HERC2: variants seen among roughly 807,000 people sequenced by gnomAD.
HERC2 encodes HECT and RLD domain containing E3 ubiquitin protein ligase 2.
In HERC2, 102 loss-of-function variants were observed where a neutral mutation model predicts 537.7. That is an observed-to-expected ratio of 0.19 (90% CI 0.16 to 0.22). HERC2 has a LOEUF of 0.22. HERC2 is among the 10% of genes least tolerant of loss of function. HERC2 has a pLI of 1.00. For synonymous variants in HERC2, 2,224 were observed against 2,466.2 expected, an observed-to-expected ratio of 0.90 and a Z score of 2.91; for missense variants, 4,236 against 6,198.2, an observed-to-expected ratio of 0.68 and a Z score of 10.63.
At chr15:28,140,406 G>GT (rs1397135107) in intron 78 of HERC2, among the ~76,000 whole-genome samples, 1 of 152,130 alleles carries the variant, frequency 6.6e-6, no homozygotes, top group Non-Finnish European at 1.5e-5. Flanking sequence ...AGAGACTACG[G>GT]CACTCTATAA....
chr15:28,317,878 A>T (rs1269229869), intron 2 of HERC2, among the ~76,000 whole-genome samples: 3 of 152,224 alleles, frequency 2.0e-5, no homozygotes, highest in African/African-American at 7.2e-5. Context: ...GTTTCTTTAC[A>T]ACTTCCTGAG....
At chr15:28,271,723 G>A (rs1445455138) in intron 9 of HERC2, among the ~76,000 whole-genome samples, 6 of 152,130 alleles carry the variant, frequency 3.9e-5, no homozygotes, top group Non-Finnish European at 8.8e-5. Context: ...CACGATATTG[G>A]AATGCCTAAG....
At chr15:28,215,559 C>G in intron 39 of HERC2, 62 bp downstream of exon 39, 1 of 1,434,394 alleles carries the variant, frequency 7.0e-7, no homozygotes, top group Non-Finnish European at 9.6e-7. Flanking sequence ...ACTCTGAAGG[C>G]AGGGAACTTC....
chr15:28,273,841 C>T (rs2075801940), intron 7 of HERC2, among the ~76,000 whole-genome samples: 1 of 152,182 alleles, frequency 6.6e-6, no homozygotes, highest in Non-Finnish European at 1.5e-5. Flanking sequence ...TTCTTACACA[C>T]AAATGATTCC....
intron 2 of HERC2, among the ~76,000 whole-genome samples, chr15:28,310,311 G>T (rs1366792745): frequency 2.0e-5 from 3 of 152,056 alleles, no homozygotes; most frequent in Non-Finnish European, 2.9e-5. Flanking sequence ...GCCAGAGGTG[G>T]TGGCGCGCCT....
chr15:28,180,367 A>C (rs1436010478), intron 57 of HERC2, among the ~76,000 whole-genome samples: 1 of 152,156 alleles, frequency 6.6e-6, no homozygotes, highest in Non-Finnish European at 1.5e-5. Context: ...CACCCAACCA[A>C]AACTTTCTCA....
At chr15:28,282,933 G>A (rs1409527553) in intron 4 of HERC2, among the ~76,000 whole-genome samples, 1 of 150,404 alleles carries the variant, frequency 6.6e-6, no homozygotes, top group African/African-American at 2.5e-5. Flanking sequence ...TCCGAAGATG[G>A]GAAGGGACGG....
chr15:28,153,306 T>C (rs1333351758), intron 69 of HERC2, among the ~76,000 whole-genome samples: 1 of 149,556 alleles, frequency 6.7e-6, no homozygotes, highest in Admixed American at 6.6e-5. Flanking sequence ...TGAGCCGAGA[T>C]CACACCGTTG....
At chr15:28,296,690 A>T (rs1428535036) in intron 3 of HERC2, among the ~76,000 whole-genome samples, 110 of 2,062 alleles carry the variant, frequency 0.053, no homozygotes, top group East Asian at 0.25. Flanking sequence ...ACTGATACAT[A>T]AAAAAAAAAA....
Position 28,179,038 on chromosome 15 carries a change from G to C in HERC2, c.9020-8C>G. The C allele has an allele frequency of 6.2e-7, 1 of 1,612,760 alleles. No homozygotes were observed. The highest frequency in any genetic ancestry group is 1.1e-5 in the South Asian group (1 of 90,868). ...CCTTCCCTTCCACAGTCACTGCAAG[G>C]AACGACAGCCAGGAGAGGACTCTCT... is the stretch of plus-strand genomic sequence containing the variant. On this transcript the variant is annotated splice_polypyrimidine_tract_variant and splice_region_variant and intron_variant, in intron 58 of 92. Transcript: ENST00000261609.
At chr15:28,225,135 C>T (rs1900987525) in intron 35 of HERC2, among the ~76,000 whole-genome samples, 1 of 152,172 alleles carries the variant, frequency 6.6e-6, no homozygotes, top group Non-Finnish European at 1.5e-5. Context: ...CACCTGTAAT[C>T]CCAGCACTTT....
intron 85 of HERC2, among the ~76,000 whole-genome samples, chr15:28,121,904 G>T (rs1049258494): frequency 6.8e-6 from 1 of 146,318 alleles, no homozygotes; most frequent in Admixed American, 6.8e-5. Context: ...GCCACTGCCT[G>T]CCATACAGCA....
At chr15:28,212,905 G>C (rs1361186770) in intron 42 of HERC2, 1 of 510,498 alleles carries the variant, frequency 2.0e-6, no homozygotes, top group African/African-American at 2.1e-5. Flanking sequence ...TAATAAAAAA[G>C]AGTACTTTAT....
intron 44 of HERC2, among the ~76,000 whole-genome samples, chr15:28,208,786 C>T (rs570928709): frequency 4.6e-5 from 7 of 152,174 alleles, no homozygotes; most frequent in African/African-American, 1.4e-4. Context: ...AAAGGCTGCC[C>T]GTCCAGTGCT....
At chr15:28,136,407 G>A (rs1890644585) in intron 78 of HERC2, among the ~76,000 whole-genome samples, 1 of 152,214 alleles carries the variant, frequency 6.6e-6, no homozygotes, top group African/African-American at 2.4e-5. Flanking sequence ...CACCCCCAAA[G>A]CCAGCTTCTG....
intron 10 of HERC2, 98 bp from the exon 11 acceptor site, chr15:28,269,534 T>C: frequency 1.0e-6 from 1 of 953,072 alleles, no homozygotes; most frequent in East Asian, 2.5e-5. Flanking sequence ...ACAAAGCAAA[T>C]AAAGAGAAAA....
intron 2 of HERC2, among the ~76,000 whole-genome samples, chr15:28,307,082 G>A (rs533869867): frequency 7.2e-5 from 11 of 152,274 alleles, no homozygotes; most frequent in South Asian, 4.1e-4. Flanking sequence ...TGACCCACCC[G>A]CCTCAGCCTC....
Position 28,268,564 on chromosome 15 carries a change from G to A in HERC2, c.1499C>T (p.Ala500Val). The A allele has an allele frequency of 6.2e-7, 1 of 1,614,038 alleles. No individual in the cohort carries two copies. ...LASRNIVKIAAHSDGHHYLAL... is the reference protein window; with the variant it reads ...LASRNIVKIAVHSDGHHYLAL... ...TAGGTAGTGGTGACCATCAGAATGG[G>A]CAGCAATTTTTACAATGTTTCTGGA... Residue 500 changes from alanine (A) to valine (V), a missense_variant, in exon 12 of 93, where the codon GCC becomes GTC. Ala to Val is a moderately conservative substitution (Grantham distance 64). Coordinates refer to ENST00000261609, the MANE Select transcript of HERC2 (RefSeq NM_004667.6). This position sits in a 1 kb window ranked among gnomAD's most constrained non-coding sequence, Gnocchi z 4.7.
intron 56 of HERC2, among the ~76,000 whole-genome samples, chr15:28,183,215 TTTTG>T (rs932049654): frequency 1.3e-5 from 2 of 152,044 alleles, no homozygotes; most frequent in Non-Finnish European, 2.9e-5. Flanking sequence ...TTTATTTATT[TTTTG>T]TTTGTTTTGA....
Sources: gnomAD v4.1 joint callset for allele counts (sites outside exome capture counted in the v4.1 genomes callset) on GRCh38, gnomAD v4.1.1 for gene constraint, Gnocchi (gnomAD v3.1) non-coding constraint, MANE v1.5 for transcripts, NCBI Gene and HGNC (gene_info 2026-07-23, HGNC 2026-07-21) for gene names.